UST: variants seen among roughly 807,000 people sequenced by gnomAD.
UST encodes the protein uronyl 2-sulfotransferase, also known as chondroitin sulfate 2-O-sulfotransferase.
In UST, 21 loss-of-function variants were observed where a neutral mutation model predicts 45.6. The observed-to-expected ratio is 0.46, with a 90% CI of 0.33 to 0.66. The LOEUF (loss-of-function observed/expected upper bound fraction) is 0.66, where lower values mean the gene tolerates loss of function less well. Ranked by LOEUF, UST falls within the 30% of genes least tolerant of loss-of-function variation. The pLI is 0.02. For synonymous variants in UST, 215 were observed against 200.6 expected (o/e 1.07, Z -0.61); for missense variants, 463 against 512.4 (o/e 0.90, Z 0.93).
chr6:148,751,242 A>G (rs1775985142), intron 1 of UST, among the ~76,000 whole-genome samples: 1 of 152,350 alleles, frequency 6.6e-6, no homozygotes, highest in Admixed American at 6.5e-5. Flanking sequence ...TGATTTAAAA[A>G]TGTACATGGT....
chr6:148,804,274 C>T (rs1027453896), intron 1 of UST, among the ~76,000 whole-genome samples: 10 of 152,126 alleles, frequency 6.6e-5, no homozygotes, highest in East Asian at 1.9e-4. Flanking sequence ...TCTTCACATT[C>T]GGGAGTTTAC....
At chr6:149,002,318 G>A (rs748320748) in intron 5 of UST, among the ~76,000 whole-genome samples, 8 of 151,990 alleles carry the variant, frequency 5.3e-5, no homozygotes, top group Non-Finnish European at 1.0e-4. Context: ...GCAATGTAAG[G>A]TGCAGAAATT....
At chr6:149,053,640 G>C (rs183239961) in intron 7 of UST, among the ~76,000 whole-genome samples, 18 of 152,212 alleles carry the variant, frequency 1.2e-4, no homozygotes, top group Admixed American at 1.3e-4. Context: ...GTATCTGTCT[G>C]ATCAGGAGGT....
chr6:148,758,022 T>A (rs920130398), intron 1 of UST, among the ~76,000 whole-genome samples: 15 of 152,244 alleles, frequency 9.9e-5, no homozygotes, highest in Non-Finnish European at 2.2e-4. Context: ...AGGCCTGACA[T>A]TTAAGTTCAA....
chr6:148,918,710 T>G (rs573937986), intron 2 of UST, among the ~76,000 whole-genome samples: 30 of 152,320 alleles, frequency 2.0e-4, no homozygotes, highest in African/African-American at 7.2e-4. Flanking sequence ...ATGTCAGAGG[T>G]GCAGCGGTAA....
At chr6:148,987,590 C>G (rs1220073010) in intron 5 of UST, among the ~76,000 whole-genome samples, 1 of 152,172 alleles carries the variant, frequency 6.6e-6, no homozygotes, top group Non-Finnish European at 1.5e-5. Context: ...AGAACGCTTG[C>G]CTTCAAGAAA....
chr6:149,056,127 T>C (rs1223727398), intron 7 of UST, among the ~76,000 whole-genome samples: 9 of 110,122 alleles, frequency 8.2e-5, no homozygotes, highest in Admixed American at 3.5e-4. Flanking sequence ...CTTTTTTTTT[T>C]TTTTTTTTTT....
intron 2 of UST, among the ~76,000 whole-genome samples, chr6:148,902,843 CCTT>C (rs1779286518): frequency 6.6e-6 from 1 of 152,126 alleles, no homozygotes; most frequent in South Asian, 2.1e-4. Flanking sequence ...GTCTTCCACT[CCTT>C]CTGTTGCATT....
intron 5 of UST, among the ~76,000 whole-genome samples, chr6:149,003,908 A>G (rs1481362757): frequency 6.6e-6 from 1 of 152,212 alleles, no homozygotes; most frequent in Non-Finnish European, 1.5e-5. Context: ...GCCTCTATTC[A>G]TTCCCAATAG....
At chr6:148,949,693 G>A (rs13219957) in intron 3 of UST, among the ~76,000 whole-genome samples, 19,191 of 152,130 alleles carry the variant, frequency 0.13, 1,415 homozygotes, top group Admixed American at 0.18. Flanking sequence ...GATTTCTAAA[G>A]ATGATAGCTT....
At chr6:148,846,746 C>T (rs1217784235) in intron 1 of UST, among the ~76,000 whole-genome samples, 2 of 152,256 alleles carry the variant, frequency 1.3e-5, no homozygotes, top group Non-Finnish European at 2.9e-5. Context: ...ATATGATGCA[C>T]ATGAAACTAT....
At chr6:148,840,756 A>G (rs895218165) in intron 1 of UST, among the ~76,000 whole-genome samples, 2 of 152,328 alleles carry the variant, frequency 1.3e-5, no homozygotes, top group Admixed American at 1.3e-4. Flanking sequence ...CCCAGTTTGA[A>G]CCTGTGTTGC....
At chr6:149,040,051 C>T (rs1382584884) in intron 7 of UST, among the ~76,000 whole-genome samples, 1 of 152,202 alleles carries the variant, frequency 6.6e-6, no homozygotes. Context: ...CCTGTTCCTC[C>T]ACCACCCCCA....
At chr6:148,778,808 A>G (rs1776582525) in intron 1 of UST, among the ~76,000 whole-genome samples, 1 of 152,208 alleles carries the variant, frequency 6.6e-6, no homozygotes, top group Admixed American at 6.5e-5. Flanking sequence ...TAAAGCCATT[A>G]CATGGTAGGG....
At chr6:148,971,323 A>G (rs1780914984) in intron 5 of UST, among the ~76,000 whole-genome samples, 1 of 152,028 alleles carries the variant, frequency 6.6e-6, no homozygotes, top group South Asian at 2.1e-4. Context: ...GTGTAGTAGG[A>G]GCTATTGTAG....
At chr6:149,034,307 T>G (rs966466737) in intron 7 of UST, among the ~76,000 whole-genome samples, 2 of 152,230 alleles carry the variant, frequency 1.3e-5, no homozygotes, top group African/African-American at 4.8e-5. Flanking sequence ...GTATGTGCCA[T>G]TAGATCTGCC....
At chr6:148,898,512 G>A (rs1446956905) in intron 2 of UST, among the ~76,000 whole-genome samples, 1 of 152,118 alleles carries the variant, frequency 6.6e-6, no homozygotes, top group East Asian at 1.9e-4. Flanking sequence ...GAAGTGTTTG[G>A]CCCAGCTGGC....
intron 5 of UST, among the ~76,000 whole-genome samples, chr6:148,984,065 A>C (rs1038136049): frequency 6.6e-6 from 1 of 152,250 alleles, no homozygotes; most frequent in African/African-American, 2.4e-5. Context: ...ACATCTTTTC[A>C]GGAACCTACC....
At chr6:148,759,417 C>G (rs989214235) in intron 1 of UST, among the ~76,000 whole-genome samples, 12 of 151,728 alleles carry the variant, frequency 7.9e-5, no homozygotes, top group African/African-American at 2.9e-4. Context: ...GTCCCAGCTA[C>G]TAGGGAGGCT....
Sources: gnomAD v4.1 joint callset for allele counts (sites outside exome capture counted in the v4.1 genomes callset) on GRCh38, gnomAD v4.1.1 for gene constraint, MANE v1.5 for transcripts, NCBI Gene and HGNC (gene_info 2026-07-23, HGNC 2026-07-21) for gene names.